The following GPBP1L1 variants were observed in gnomAD, a reference collection of about 807,000 sequenced individuals.
GPBP1L1 encodes vasculin-like protein 1.
Under a neutral mutation model 52.5 loss-of-function variants are expected in GPBP1L1, and 23 were observed. The ratio of observed to expected loss-of-function variants is 0.44; its 90% confidence interval spans 0.32 to 0.62. The LOEUF (loss-of-function observed/expected upper bound fraction) is 0.62, where lower values mean the gene tolerates loss of function less well. Ranked by LOEUF, GPBP1L1 falls within the 20% of genes least tolerant of loss-of-function variation. GPBP1L1 has a pLI of 0.06. For synonymous variants in GPBP1L1, 243 were observed against 203.1 expected, an observed-to-expected ratio of 1.20 and a Z score of -1.67; for missense variants, 596 against 579.3, an observed-to-expected ratio of 1.03 and a Z score of -0.30.
intron 2 of GPBP1L1, among the ~76,000 whole-genome samples, chr1:45,683,572 G>T (rs1168028971): frequency 6.8e-6 from 1 of 147,934 alleles, no homozygotes; most frequent in Non-Finnish European, 1.5e-5. Context: ...ACAAAATAGG[G>T]TATAAAACAG....
chr1:45,683,482 G>A (rs959744407), intron 2 of GPBP1L1, among the ~76,000 whole-genome samples: 30 of 150,546 alleles, frequency 2.0e-4, no homozygotes, highest in Non-Finnish European at 4.3e-4. Context: ...TGGGATTACA[G>A]GCGTGAGCCA....
chr1:45,662,782 T>C (rs1644961702), intron 2 of GPBP1L1, among the ~76,000 whole-genome samples: 1 of 152,126 alleles, frequency 6.6e-6, no homozygotes, highest in African/African-American at 2.4e-5. Context: ...CCGGGTGCGG[T>C]GGCTCACGCC....
At chr1:45,647,163 A>C (rs1453590310) in intron 6 of GPBP1L1, among the ~76,000 whole-genome samples, 2 of 107,560 alleles carry the variant, frequency 1.9e-5, no homozygotes, top group East Asian at 2.9e-4. Flanking sequence ...CCAACTTCTT[A>C]GGATTTTTTT....
chr1:45,665,457 G>A (rs548878172), intron 2 of GPBP1L1, among the ~76,000 whole-genome samples: 3 of 151,780 alleles, frequency 2.0e-5, no homozygotes, highest in African/African-American at 7.2e-5. Context: ...AGAACATAAA[G>A]ATGGAAAAGT....
At chr1:45,629,427 G>T in intron 12 of GPBP1L1, 149 bp downstream of exon 12, 2 of 578,940 alleles carry the variant, frequency 3.5e-6, no homozygotes, top group Non-Finnish European at 6.1e-6. Context: ...CAGATTTAGG[G>T]GCCCCACTAC....
Position 45,655,306 on chromosome 1 carries a change from G to A in GPBP1L1, c.74C>T (p.Thr25Ile). 6.2e-7 allele frequency: 1 copy of A among 1,614,082 alleles called. No individual in the cohort carries two copies. The highest frequency in any genetic ancestry group is 8.5e-7 in the Non-Finnish European group (1 of 1,179,962). ...TPQSAKSPTA[T>I]FEKHGEHLPR... is the part of the protein sequence containing the mutation. ...TAGGTGCTCTCCGTGTTTTTCGAAG[G>A]TGGCAGTAGGTGACTAAGATGATGA... Residue 25 changes from threonine (T) to isoleucine (I), a missense_variant, in exon 5 of 13, where the codon ACC becomes ATC. By Grantham distance (89) the Thr-to-Ile change is moderately conservative. Coordinates refer to ENST00000355105, the MANE Select transcript of GPBP1L1 (RefSeq NM_021639.5).
intron 4 of GPBP1L1, among the ~76,000 whole-genome samples, chr1:45,656,479 G>A (rs1437792242): frequency 6.6e-6 from 1 of 152,012 alleles, no homozygotes; most frequent in African/African-American, 2.4e-5. Context: ...AAAGTTTTAT[G>A]GTTTTAGCTT....
intron 6 of GPBP1L1, among the ~76,000 whole-genome samples, chr1:45,644,786 G>A (rs533186527): frequency 1.3e-4 from 20 of 152,276 alleles, no homozygotes; most frequent in African/African-American, 4.6e-4. Flanking sequence ...GGCAGACACT[G>A]GTGCTCATAG....
At chr1:45,673,867 A>C (rs141321666) in intron 2 of GPBP1L1, among the ~76,000 whole-genome samples, 156 of 152,242 alleles carry the variant, frequency 1.0e-3, no homozygotes, top group African/African-American at 3.6e-3. Flanking sequence ...TCAAACAAAC[A>C]AACAAAAAAA....
chr1:45,638,470 A>G (rs1363304017), intron 8 of GPBP1L1, among the ~76,000 whole-genome samples: 3 of 152,184 alleles, frequency 2.0e-5, no homozygotes, highest in African/African-American at 7.2e-5. Context: ...TGCTATTGCA[A>G]ACTCACCCAC....
chr1:45,639,659 G>A (rs921259478), intron 8 of GPBP1L1, among the ~76,000 whole-genome samples: 1 of 151,480 alleles, frequency 6.6e-6, no homozygotes, highest in Non-Finnish European at 1.5e-5. Flanking sequence ...GGCGGATCAC[G>A]AGGTCAGGAG....
At chr1:45,681,696 TACA>T (rs1178793104) in intron 2 of GPBP1L1, among the ~76,000 whole-genome samples, 4 of 152,244 alleles carry the variant, frequency 2.6e-5, no homozygotes, top group South Asian at 2.1e-4. Flanking sequence ...TATTATTTAT[TACA>T]ACAACCCTAG....
intron 2 of GPBP1L1, among the ~76,000 whole-genome samples, chr1:45,674,770 A>G (rs1645118351): frequency 6.6e-6 from 1 of 152,240 alleles, no homozygotes; most frequent in Admixed American, 6.5e-5. Context: ...TCATGTAAGC[A>G]TTCTGAAAAC....
intron 2 of GPBP1L1, among the ~76,000 whole-genome samples, chr1:45,681,047 G>GA (rs35534161): frequency 1.4e-4 from 21 of 146,668 alleles, no homozygotes; most frequent in South Asian, 8.6e-4. Context: ...ATACAAGTAG[G>GA]AAAAAAAAAA....
In GPBP1L1 at chr1:45,630,555, G is replaced by A. The variant is rs749697668; in HGVS notation, c.1096C>T (p.His366Tyr). ...EPKENGEEGC[H>Y]QNGLALPVVE... ...ACAGGGAGGGCAAGACCATTTTGAT[G>A]ACAGCCTTCCTCCCCATTTTCCTTT... Residue 366 changes from histidine to tyrosine, a missense_variant, in exon 11 of 13, where the codon CAT becomes TAT. Coordinates refer to ENST00000355105, the MANE Select transcript of GPBP1L1 (RefSeq NM_021639.5). 11 of 1,613,960 alleles carry A rather than the reference G, an allele frequency of 6.8e-6. No individual in the cohort carries two copies. The highest frequency in any genetic ancestry group is 1.7e-6 in the Non-Finnish European group (2 of 1,179,858).
rs1177159975 is a variant in GPBP1L1 at position 45,629,457 on chromosome 1, C to T, written c.1272+119G>A. On this transcript the variant is annotated intron_variant, in intron 12 of 12. Transcript: ENST00000355105. ...CACTACATTTCTACTAAGGTAATCC[C>T]CCCCCCCCCCACCCGATCTTTCTCT... is the stretch of plus-strand genomic sequence containing the variant. 25 of 93,874 alleles carry T rather than the reference C, an allele frequency of 2.7e-4. No individual in the cohort carries two copies. In the South Asian group the frequency reaches 2.9e-3, roughly 11 times the overall value. The allele number at this position is 93,874 out of a possible 1,614,324, so 5.8% of individuals were successfully genotyped here.
chr1:45,657,595 TG>T (rs1319774116), intron 4 of GPBP1L1, among the ~76,000 whole-genome samples: 2 of 152,146 alleles, frequency 1.3e-5, no homozygotes, highest in Non-Finnish European at 2.9e-5. Flanking sequence ...GGCTCATGCC[TG>T]TAATCTCAGC....
intron 8 of GPBP1L1, among the ~76,000 whole-genome samples, chr1:45,637,880 C>T (rs1644616292): frequency 1.3e-5 from 2 of 151,156 alleles, no homozygotes; most frequent in Admixed American, 6.6e-5. Context: ...TTACTCCTCA[C>T]AAAAAAAAGG....
chr1:45,666,073 G>A (rs937329188), intron 2 of GPBP1L1, among the ~76,000 whole-genome samples: 1 of 151,232 alleles, frequency 6.6e-6, no homozygotes. Context: ...AGTCTAAAAA[G>A]TCTCCTTTAA....
Sources: gnomAD v4.1 joint callset for allele counts (sites outside exome capture counted in the v4.1 genomes callset) on GRCh38, gnomAD v4.1.1 for gene constraint, MANE v1.5 for transcripts, NCBI Gene and HGNC (gene_info 2026-07-23, HGNC 2026-07-21) for gene names.